The following CRAMP1 variants were observed in gnomAD, a reference collection of about 807,000 sequenced individuals.
CRAMP1 encodes the protein cramped chromatin regulator 1.
Under a neutral mutation model 115.4 loss-of-function variants are expected in CRAMP1, and 50 were observed. That is an observed-to-expected ratio of 0.43 (90% CI 0.35 to 0.55). The LOEUF is 0.55. Ranked by LOEUF, CRAMP1 falls within the 20% of genes least tolerant of loss-of-function variation. The pLI, the probability that CRAMP1 is intolerant of heterozygous loss-of-function variation, is 0.01. For synonymous variants in CRAMP1, 866 were observed against 745.4 expected (o/e 1.16, Z -2.64); for missense variants, 1,679 against 1,721.7 (o/e 0.98, Z 0.44).
In CRAMP1 at chr16:1,656,756, A is replaced by T; in HGVS notation, c.1999A>T (p.Ser667Cys). The change falls in exon 10 of 21, where the codon AGC becomes TGC. Residue 667 changes from serine (S) to cysteine (C), a missense_variant. Ser to Cys is a moderately radical substitution (Grantham distance 112). This residue lies in a region of CRAMP1 where 405 missense variants were observed against 302.6 expected (regional missense o/e 1.34). Coordinates refer to ENST00000397412, the MANE Select transcript of CRAMP1 (RefSeq NM_020825.4). This position sits in a 1 kb window ranked among gnomAD's most constrained non-coding sequence, Gnocchi z 5.6. ...CAGGCCCCCGAAGGAGGTCCCCGCC[A>T]GCCGGCTGGCTCAGCAGCTCCGTGA... ...AARPPKEVPA[S>C]RLAQQLREEG... 4 of 1,547,798 alleles carry T rather than the reference A, an allele frequency of 2.6e-6. No individual in the cohort carries two copies. The highest frequency in any genetic ancestry group is 3.5e-6 in the Non-Finnish European group (4 of 1,145,222).
chr16:1,615,056 C>T, intron 2 of CRAMP1, 71 bp downstream of exon 2: 1 of 965,750 alleles, frequency 1.0e-6, no homozygotes, highest in East Asian at 3.3e-5. Context: ...AGGAACCCCT[C>T]GCCCCAGCCG....
intron 2 of CRAMP1, among the ~76,000 whole-genome samples, chr16:1,620,023 G>A (rs2036452999): frequency 6.6e-6 from 1 of 152,202 alleles, no homozygotes; most frequent in Non-Finnish European, 1.5e-5. Context: ...CATGACGATG[G>A]AGCTGGGTAG....
chr16:1,616,248 C>G (rs1360684793), intron 2 of CRAMP1, among the ~76,000 whole-genome samples: 1 of 152,196 alleles, frequency 6.6e-6, no homozygotes. Flanking sequence ...ACAGGTATGT[C>G]TAAGCTCATA....
rs745641617 is a variant in CRAMP1 at position 1,625,927 on chromosome 16, C to T, written c.347-46C>T. 3.7e-5 allele frequency: 57 copies of T among 1,542,766 alleles called. 1 individual carries two copies. The South Asian group carries it at 4.7e-4, about 13-fold the overall frequency. ...CACCGGCCCTCTACCCTGCCCAGCC[C>T]GCCAGCTTTCTGGAACAGATCACTG... On this transcript the variant is annotated intron_variant, in intron 2 of 20. Transcript: ENST00000397412.
chr16:1,661,938 G>A (rs1001481498), intron 11 of CRAMP1, among the ~76,000 whole-genome samples: 1 of 152,180 alleles, frequency 6.6e-6, no homozygotes, highest in Admixed American at 6.5e-5. Context: ...CTAAAAACTA[G>A]AGATTTACAC....
At chr16:1,623,563 G>A (rs909588886) in intron 2 of CRAMP1, among the ~76,000 whole-genome samples, 1 of 152,194 alleles carries the variant, frequency 6.6e-6, no homozygotes, top group Non-Finnish European at 1.5e-5. Flanking sequence ...GATACGTAAC[G>A]GCAGGGCTGG....
intron 2 of CRAMP1, among the ~76,000 whole-genome samples, chr16:1,618,729 T>A (rs905262002): frequency 6.6e-6 from 1 of 152,154 alleles, no homozygotes; most frequent in Non-Finnish European, 1.5e-5. Context: ...AAAAGATGTC[T>A]CATAAGAGAT....
At chr16:1,618,253 G>C (rs1178828701) in intron 2 of CRAMP1, among the ~76,000 whole-genome samples, 1 of 152,218 alleles carries the variant, frequency 6.6e-6, no homozygotes, top group Non-Finnish European at 1.5e-5. Context: ...TTGCACTCCA[G>C]CCTGGGCAAC....
At chr16:1,629,915 CT>C (rs200444618) in intron 3 of CRAMP1, among the ~76,000 whole-genome samples, 2,718 of 152,258 alleles carry the variant, frequency 0.018, 84 homozygotes, top group African/African-American at 0.061. Context: ...CCCTCAGCCC[CT>C]GTGTTGCTGG....
chr16:1,648,190 A>G (rs2036692728), intron 6 of CRAMP1, among the ~76,000 whole-genome samples: 1 of 152,182 alleles, frequency 6.6e-6, no homozygotes, highest in African/African-American at 2.4e-5. Context: ...CAGGTGCCAC[A>G]TGACACAGCT....
Position 1,677,491 on chromosome 16 carries a change from A to C in CRAMP1, c.*3446A>C, listed in dbSNP as rs2142215109. 1 of 152,530 alleles carries C rather than the reference A, an allele frequency of 6.6e-6. No homozygotes were observed. The highest frequency in any genetic ancestry group is 1.5e-5 in the Non-Finnish European group (1 of 68,064). 9.4% of individuals were successfully genotyped at this position (152,530 alleles called of 1,614,324 possible). A position where few individuals can be genotyped will look rare whatever the true frequency, so the allele number is the denominator to read the frequency against. ...AAAGAGTAATTTACAACGAAGGAAA[A>C]AAACCCACAGCACACCCTTCGCGGC... On this transcript the variant is annotated 3_prime_UTR_variant, in exon 21 of 21. Coordinates refer to ENST00000397412, the MANE Select transcript of CRAMP1 (RefSeq NM_020825.4).
intron 6 of CRAMP1, among the ~76,000 whole-genome samples, chr16:1,641,812 A>G (rs76901435): frequency 0.026 from 3,922 of 151,158 alleles, 240 homozygotes; most frequent in Admixed American, 0.14. Context: ...AGCTTGGGGA[A>G]GGTCCCCACG....
At position 1,614,515 on chromosome 16, in the gene CRAMP1, C is replaced by A. The variant is rs1378130723; in HGVS notation, c.-1-124C>A. 3.7e-4 allele frequency: 161 copies of A among 439,742 alleles called. 1 individual carries two copies. Among genetic ancestry groups the A allele is most frequent in the Non-Finnish European group, 4.4e-4 (134 of 306,100 alleles). The allele number at this position is 439,742 out of a possible 1,614,324, so 27.2% of individuals were successfully genotyped here. A position where few individuals can be genotyped will look rare whatever the true frequency, so the allele number is the denominator to read the frequency against. On this transcript the variant is annotated intron_variant, in intron 1 of 20. Transcript: ENST00000397412. This position sits in a 1 kb window ranked among gnomAD's most constrained non-coding sequence, Gnocchi z 4.4. The stretch of plus-strand genomic sequence containing the variant: ...CGGGCTCGGGCGGGCTCGGGCGGGC[C>A]GGGCCGAGCCGCCGAGAGGGGATTT...
chr16:1,634,067 T>G (rs1295122156), intron 4 of CRAMP1, among the ~76,000 whole-genome samples: 1 of 150,944 alleles, frequency 6.6e-6, no homozygotes, highest in Non-Finnish European at 1.5e-5. Flanking sequence ...TGAGAGCAGA[T>G]CTGCCATCCA....
chr16:1,643,912 G>A (rs1249005829), intron 6 of CRAMP1, among the ~76,000 whole-genome samples: 2 of 152,246 alleles, frequency 1.3e-5, no homozygotes, highest in Non-Finnish European at 1.5e-5. Flanking sequence ...CTGACTGTGG[G>A]CCTAGGCGGT....
intron 11 of CRAMP1, 32 bp from the exon 12 acceptor site, chr16:1,662,458 T>C: frequency 6.4e-7 from 1 of 1,567,668 alleles, no homozygotes; most frequent in Non-Finnish European, 8.8e-7. Context: ...AGGTGAATGC[T>C]GTCACACTGA....
At chr16:1,635,001 C>A (rs1047759432) in intron 4 of CRAMP1, among the ~76,000 whole-genome samples, 2 of 152,130 alleles carry the variant, frequency 1.3e-5, no homozygotes, top group Non-Finnish European at 2.9e-5. Context: ...CAGTTTCAAG[C>A]GATTCTCATG....
intron 14 of CRAMP1, among the ~76,000 whole-genome samples, chr16:1,665,366 G>A (rs904479526): frequency 2.6e-5 from 4 of 152,214 alleles, no homozygotes; most frequent in Non-Finnish European, 5.9e-5. Flanking sequence ...TTCGTCTGTG[G>A]CCTCAGATGG....
At chr16:1,646,804 C>A (rs954970044) in intron 6 of CRAMP1, among the ~76,000 whole-genome samples, 2 of 152,208 alleles carry the variant, frequency 1.3e-5, no homozygotes, top group African/African-American at 4.8e-5. Flanking sequence ...CATTTAAATC[C>A]ATGATCTGCT....
Sources: allele counts gnomAD v4.1 joint callset (sites outside exome capture counted in the v4.1 genomes callset), GRCh38; gene constraint gnomAD v4.1.1; regional missense constraint gnomAD v4.1.1; non-coding constraint Gnocchi (gnomAD v3.1); transcripts MANE v1.5; gene names NCBI Gene and HGNC (gene_info 2026-07-23, HGNC 2026-07-21).